IFT56: variants seen among roughly 807,000 people sequenced by gnomAD.
The protein encoded by IFT56 is intraflagellar transport 56, also known as intraflagellar transport protein 56.
the IFT56 span, among the ~76,000 whole-genome samples, chr7:139,181,890 C>T: frequency 6.6e-6 from 1 of 152,080 alleles, no homozygotes; most frequent in Non-Finnish European, 1.5e-5. Context: ...GATCAAAATA[C>T]GGTTATGAAG....
the IFT56 span, chr7:139,142,357 T>C: frequency 2.0e-6 from 3 of 1,512,734 alleles, no homozygotes; most frequent in Non-Finnish European, 2.7e-6. Flanking sequence ...TTTTTATTTT[T>C]CTTCCTTCTT....
chr7:139,190,763 C>T, the IFT56 span: 1 of 152,188 alleles, frequency 6.6e-6, no homozygotes, highest in Admixed American at 6.5e-5. Flanking sequence ...AGAAAAGAGA[C>T]CCACATCTTT....
At chr7:139,148,071 T>C in the IFT56 span, 1 of 689,098 alleles carries the variant, frequency 1.5e-6, no homozygotes, top group Non-Finnish European at 2.4e-6. Context: ...AAAATTATAC[T>C]GATCATATCT....
chr7:139,170,241 C>G, the IFT56 span, among the ~76,000 whole-genome samples: 86 of 152,210 alleles, frequency 5.7e-4, no homozygotes, highest in African/African-American at 1.9e-3. Flanking sequence ...TAAAGAAAAG[C>G]CCAGGACCCA....
the IFT56 span, among the ~76,000 whole-genome samples, chr7:139,184,878 C>T: frequency 6.6e-6 from 1 of 150,402 alleles, no homozygotes; most frequent in Non-Finnish European, 1.5e-5. Context: ...CACAGTGAAA[C>T]CCCGTCTCTA....
the IFT56 span, chr7:139,142,335 G>A: frequency 6.3e-7 from 1 of 1,589,286 alleles, no homozygotes; most frequent in Admixed American, 1.7e-5. Flanking sequence ...ACATTTTTTT[G>A]TTTTAAAAAT....
the IFT56 span, among the ~76,000 whole-genome samples, chr7:139,166,506 C>G: frequency 2.7e-5 from 4 of 147,008 alleles, no homozygotes; most frequent in Non-Finnish European, 5.9e-5. Flanking sequence ...TCATTTAATT[C>G]CTATATACTT....
the IFT56 span, chr7:139,133,911 G>T: frequency 3.1e-6 from 5 of 1,611,180 alleles, no homozygotes; most frequent in African/African-American, 6.7e-5. Flanking sequence ...CCTGAGGCTG[G>T]CGATTAGAGG....
At chr7:139,133,991 C>A in the IFT56 span, 1 of 1,102,420 alleles carries the variant, frequency 9.1e-7, no homozygotes, top group Non-Finnish European at 1.4e-6. Flanking sequence ...CCCTGTGTTC[C>A]CACGGGGGAC....
At chr7:139,167,488 TA>T in the IFT56 span, among the ~76,000 whole-genome samples, 2 of 152,080 alleles carry the variant, frequency 1.3e-5, no homozygotes, top group Non-Finnish European at 2.9e-5. Context: ...AGCTGCTAGC[TA>T]GGGAGGGTAT....
chr7:139,189,167 C>A, the IFT56 span, among the ~76,000 whole-genome samples: 3 of 152,174 alleles, frequency 2.0e-5, no homozygotes, highest in Non-Finnish European at 4.4e-5. Flanking sequence ...TAAGGCTAGG[C>A]AGTTTGTAAT....
At chr7:139,187,645 T>C in the IFT56 span, 1 of 1,366,134 alleles carries the variant, frequency 7.3e-7, no homozygotes, top group Non-Finnish European at 1.0e-6. Flanking sequence ...ATTATAATGA[T>C]GTTTTAGAAT....
At chr7:139,149,304 C>CAA in the IFT56 span, among the ~76,000 whole-genome samples, 52 of 110,926 alleles carry the variant, frequency 4.7e-4, 1 homozygote, top group Admixed American at 1.0e-3. Context: ...GACTCCATCT[C>CAA]AAAAAAAAAA....
the IFT56 span, chr7:139,179,746 C>A: frequency 1.0e-6 from 1 of 960,020 alleles, no homozygotes; most frequent in Non-Finnish European, 1.6e-6. Flanking sequence ...TTTTATTTTG[C>A]ATTTTGTTCT....
chr7:139,157,139 CTTTTTTTTTTTTT>C, the IFT56 span, among the ~76,000 whole-genome samples: 1 of 82,090 alleles, frequency 1.2e-5, no homozygotes, highest in Non-Finnish European at 2.5e-5. Flanking sequence ...TCTTTAATTT[CTTTTTTTTTTTTT>C]TTTTTTTTTT....
chr7:139,148,491 C>T, the IFT56 span: 1 of 952,804 alleles, frequency 1.0e-6, no homozygotes, highest in Non-Finnish European at 1.6e-6. Flanking sequence ...ATCCCTTTAT[C>T]ATTGCCACTG....
At chr7:139,186,951 G>A in the IFT56 span, among the ~76,000 whole-genome samples, 3 of 150,340 alleles carry the variant, frequency 2.0e-5, no homozygotes, top group East Asian at 1.9e-4. Context: ...AAAATTAGCC[G>A]GGCGCGGTGG....
At chr7:139,176,439 T>A in the IFT56 span, among the ~76,000 whole-genome samples, 1 of 152,194 alleles carries the variant, frequency 6.6e-6, no homozygotes, top group African/African-American at 2.4e-5. Context: ...ATTTCTTGCA[T>A]GGATATTAAG....
At chr7:139,173,215 A>C in the IFT56 span, 1 of 501,168 alleles carries the variant, frequency 2.0e-6, no homozygotes, top group East Asian at 3.3e-5. Context: ...AAAAACTTGT[A>C]CAAAGTCACC....
Sources: allele counts gnomAD v4.1 joint callset (sites outside exome capture counted in the v4.1 genomes callset), GRCh38; gene constraint gnomAD v4.1.1; transcripts MANE v1.5; gene names NCBI Gene and HGNC (gene_info 2026-07-23, HGNC 2026-07-21).